DOK6: variants seen among roughly 807,000 people sequenced by gnomAD.
DOK6 encodes the protein docking protein 6, also known as downstream of tyrosine kinase 6.
In DOK6, 22 loss-of-function variants were observed where a neutral mutation model predicts 44.0. That is an observed-to-expected ratio of 0.50 (90% CI 0.36 to 0.71). The LOEUF is 0.71. DOK6 is among the 30% of genes least tolerant of loss of function. The pLI is 0.00. For missense variants in DOK6, 340 were observed against 416.4 expected, an observed-to-expected ratio of 0.82 and a Z score of 1.60; for synonymous variants, 166 against 145.5, an observed-to-expected ratio of 1.14 and a Z score of -1.01.
At chr18:69,525,761 A>C (rs570473450) in intron 1 of DOK6, among the ~76,000 whole-genome samples, 1 of 152,214 alleles carries the variant, frequency 6.6e-6, no homozygotes, top group South Asian at 2.1e-4. Flanking sequence ...CAGACAATAC[A>C]TAAGTGAATG....
At chr18:69,785,871 T>C (rs1363322420) in intron 7 of DOK6, among the ~76,000 whole-genome samples, 1 of 152,180 alleles carries the variant, frequency 6.6e-6, no homozygotes, top group Non-Finnish European at 1.5e-5. Flanking sequence ...TCAAATATGA[T>C]TAAAATGCTC....
rs150354312 is a variant in DOK6 at position 69,808,939 on chromosome 18, T to C, written c.857-32305T>C. ...AGAAGAAGAGAAAATACTTGCAAAC[T>C]TATTTTACAAGGCCAGCATTACCAT... On this transcript the variant is annotated intron_variant, in intron 7 of 7. Transcript: ENST00000382713. Among the ~76,000 whole-genome samples the C allele has an allele frequency of 1.8e-3, 275 of 151,930 alleles. 2 individuals carry two copies. Among genetic ancestry groups the C allele is most frequent in the African/African-American group, 6.1e-3 (254 of 41,542 alleles).
At chr18:69,442,934 C>T (rs1247705018) in intron 1 of DOK6, among the ~76,000 whole-genome samples, 1 of 152,084 alleles carries the variant, frequency 6.6e-6, no homozygotes, top group African/African-American at 2.4e-5. Context: ...CAAAGCAGAC[C>T]CTTAGCAGAT....
At chr18:69,732,163 C>T (rs183833203) in intron 5 of DOK6, among the ~76,000 whole-genome samples, 1 of 152,064 alleles carries the variant, frequency 6.6e-6, no homozygotes, top group East Asian at 1.9e-4. Flanking sequence ...TTTTCATTTG[C>T]TTGGGTCAAC....
intron 1 of DOK6, among the ~76,000 whole-genome samples, chr18:69,546,509 A>T (rs73453805): frequency 0.052 from 7,827 of 151,522 alleles, 682 homozygotes; most frequent in African/African-American, 0.17. Flanking sequence ...TCGAGCAGAG[A>T]TATGAGTTCT....
At chr18:69,682,743 A>G (rs994722471) in intron 4 of DOK6, among the ~76,000 whole-genome samples, 9 of 152,254 alleles carry the variant, frequency 5.9e-5, no homozygotes, top group African/African-American at 1.2e-4. Context: ...AAAAAATGAT[A>G]CAATCTACCA....
chr18:69,509,637 C>CAAAAAAAA (rs1183367298), intron 1 of DOK6, among the ~76,000 whole-genome samples: 2 of 34,016 alleles, frequency 5.9e-5, no homozygotes, highest in African/African-American at 2.5e-4. Context: ...GGCTCTGTCT[C>CAAAAAAAA]AAAAAAAAAA....
intron 1 of DOK6, among the ~76,000 whole-genome samples, chr18:69,502,054 T>C (rs962788316): frequency 2.0e-5 from 3 of 152,090 alleles, no homozygotes; most frequent in Non-Finnish European, 4.4e-5. Context: ...ATTTAATACA[T>C]AGAATAGTTT....
chr18:69,588,913 T>C (rs560765573), intron 2 of DOK6, among the ~76,000 whole-genome samples: 2 of 152,196 alleles, frequency 1.3e-5, no homozygotes, highest in Non-Finnish European at 2.9e-5. Flanking sequence ...ATAAACGTAT[T>C]GGGATAGTCA....
At chr18:69,503,539 G>A (rs757292470) in intron 1 of DOK6, among the ~76,000 whole-genome samples, 1 of 152,014 alleles carries the variant, frequency 6.6e-6, no homozygotes, top group African/African-American at 2.4e-5. Context: ...TTCCTTCATT[G>A]TAAGATTAAA....
chr18:69,425,462 A>G (rs1190791806), intron 1 of DOK6, among the ~76,000 whole-genome samples: 1 of 151,622 alleles, frequency 6.6e-6, no homozygotes, highest in African/African-American at 2.4e-5. Context: ...CCTGTTTTTC[A>G]TTATATTTAC....
intron 3 of DOK6, among the ~76,000 whole-genome samples, chr18:69,631,144 C>T (rs1984681438): frequency 6.6e-6 from 1 of 151,950 alleles, no homozygotes. Context: ...TGCATTTCAG[C>T]ATATTTTACA....
rs191434800 is a variant in DOK6 at position 69,729,241 on chromosome 18, C to G, written c.600-9724C>G. On this transcript the variant is annotated intron_variant, in intron 5 of 7. Coordinates refer to ENST00000382713, the MANE Select transcript of DOK6 (RefSeq NM_152721.6). ...ACAAATACTAAATACAGGTCAATTC[C>G]CTTCAACCAAAGATTCTGTATTCTG... Among the ~76,000 whole-genome samples the G allele has an allele frequency of 4.8e-3, 724 of 152,154 alleles. 24 individuals are homozygous for G. Among genetic ancestry groups the G allele is most frequent in the Admixed American group, 0.043 (660 of 15,284 alleles).
intron 1 of DOK6, among the ~76,000 whole-genome samples, chr18:69,442,884 A>T (rs1383287024): frequency 1.3e-5 from 2 of 152,196 alleles, no homozygotes; most frequent in African/African-American, 4.8e-5. Flanking sequence ...GAGGTGCATA[A>T]GATTAGGGAT....
At chr18:69,830,885 CTG>C (rs1180220410) in intron 7 of DOK6, among the ~76,000 whole-genome samples, 2 of 152,176 alleles carry the variant, frequency 1.3e-5, no homozygotes, top group Admixed American at 1.3e-4. Context: ...CTGACTTCTT[CTG>C]CACTATCCAG....
intron 1 of DOK6, among the ~76,000 whole-genome samples, chr18:69,450,888 C>G (rs1324355181): frequency 6.7e-6 from 1 of 149,274 alleles, no homozygotes; most frequent in Non-Finnish European, 1.5e-5. Flanking sequence ...CCAGGCCTGC[C>G]CTAAAAGAGC....
chr18:69,650,663 A>C (rs1322836758), intron 3 of DOK6, among the ~76,000 whole-genome samples: 1 of 152,212 alleles, frequency 6.6e-6, no homozygotes, highest in Non-Finnish European at 1.5e-5. Flanking sequence ...GTTATGCCAG[A>C]AGAATAAATT....
At chr18:69,488,045 T>A (rs1453221045) in intron 1 of DOK6, among the ~76,000 whole-genome samples, 1 of 152,190 alleles carries the variant, frequency 6.6e-6, no homozygotes, top group Non-Finnish European at 1.5e-5. Context: ...GGAGGTAGAC[T>A]GTCCAAGATC....
At chr18:69,407,305 G>C (rs1312101913) in intron 1 of DOK6, among the ~76,000 whole-genome samples, 1 of 152,116 alleles carries the variant, frequency 6.6e-6, no homozygotes, top group East Asian at 1.9e-4. Context: ...ATTATCTGTA[G>C]TCCCACCATT....
Sources: allele counts gnomAD v4.1 joint callset (sites outside exome capture counted in the v4.1 genomes callset), GRCh38; gene constraint gnomAD v4.1.1; transcripts MANE v1.5; gene names NCBI Gene and HGNC (gene_info 2026-07-23, HGNC 2026-07-21).